SMYD3: variants seen among roughly 807,000 people sequenced by gnomAD.
SMYD3 encodes histone-lysine N-methyltransferase SMYD3.
SMYD3 carries 36 observed loss-of-function variants against 57.7 expected under a neutral mutation model. The observed-to-expected ratio is 0.62, with a 90% CI of 0.48 to 0.82. The LOEUF (loss-of-function observed/expected upper bound fraction) is 0.82. SMYD3 is among the 40% of genes least tolerant of loss of function. SMYD3 has a pLI of 0.00. For synonymous variants in SMYD3, 211 were observed against 195.0 expected (o/e 1.08, Z -0.68); for missense variants, 515 against 538.8 (o/e 0.96, Z 0.44).
chr1:246,412,687 T>C (rs941154236), intron 1 of SMYD3, among the ~76,000 whole-genome samples: 4 of 152,102 alleles, frequency 2.6e-5, no homozygotes, highest in East Asian at 1.9e-4. Flanking sequence ...TGAAACTCCA[T>C]CTCTACTAAA....
chr1:246,490,586 C>T (rs1476430561), intron 1 of SMYD3, among the ~76,000 whole-genome samples: 1 of 152,196 alleles, frequency 6.6e-6, no homozygotes, highest in Non-Finnish European at 1.5e-5. Flanking sequence ...CGACCAATCG[C>T]TGAGGGCTGG....
chr1:245,981,929 C>T (rs1399469824), intron 5 of SMYD3, among the ~76,000 whole-genome samples: 1 of 152,214 alleles, frequency 6.6e-6, no homozygotes, highest in African/African-American at 2.4e-5. Context: ...CTTGGGCAGG[C>T]GAGTCTCCCA....
chr1:246,027,077 T>C (rs12079071), intron 5 of SMYD3, among the ~76,000 whole-genome samples: 13,432 of 152,218 alleles, frequency 0.088, 1,756 homozygotes, highest in African/African-American at 0.28. Flanking sequence ...TAAGCCACAA[T>C]ATTCCCTTAA....
chr1:245,855,567 C>G (rs4654140), intron 10 of SMYD3, among the ~76,000 whole-genome samples: 141,372 of 152,300 alleles, frequency 0.93, 66,534 homozygotes, highest in East Asian at 1. Flanking sequence ...AGATGAGTTT[C>G]CATATTAGTC....
At chr1:246,456,334 T>C (rs1210899024) in intron 1 of SMYD3, among the ~76,000 whole-genome samples, 1 of 152,206 alleles carries the variant, frequency 6.6e-6, no homozygotes, top group Non-Finnish European at 1.5e-5. Context: ...ATTAAATCAG[T>C]ATCTCTACGA....
intron 5 of SMYD3, among the ~76,000 whole-genome samples, chr1:246,269,556 G>GTTTTTTTTTTT (rs2064179641): frequency 9.3e-6 from 1 of 107,472 alleles, no homozygotes. Flanking sequence ...TTTTTTTTTT[G>GTTTTTTTTTTT]TTTTTGTTGT....
At chr1:246,041,216 T>C (rs1470900410) in intron 5 of SMYD3, among the ~76,000 whole-genome samples, 2 of 152,138 alleles carry the variant, frequency 1.3e-5, no homozygotes, top group Admixed American at 1.3e-4. Flanking sequence ...ACCTCTATGA[T>C]GTTTGCTCAG....
intron 2 of SMYD3, among the ~76,000 whole-genome samples, chr1:246,354,346 T>C (rs889915569): frequency 3.3e-5 from 5 of 152,210 alleles, no homozygotes; most frequent in African/African-American, 7.2e-5. Flanking sequence ...TAACTCAAAC[T>C]CTTGGCAGGA....
At chr1:246,457,565 AAAAG>A (rs2067722412) in intron 1 of SMYD3, among the ~76,000 whole-genome samples, 1 of 147,206 alleles carries the variant, frequency 6.8e-6, no homozygotes. Context: ...AAAAGAAAAG[AAAAG>A]AAAAGAAAAA....
intron 10 of SMYD3, among the ~76,000 whole-genome samples, chr1:245,819,824 A>T: frequency 3.4e-5 from 1 of 29,700 alleles, no homozygotes. Flanking sequence ...CGACACATAC[A>T]CTCTCCCAAG....
Position 245,788,594 on chromosome 1 carries a change from G to A in SMYD3, c.1077-24445C>T, listed in dbSNP as rs149088445. 2.1e-3 allele frequency among the ~76,000 whole-genome samples: 320 copies of A among 152,312 alleles called. 1 individual carries two copies. Among genetic ancestry groups the A allele is most frequent in the African/African-American group, 7.3e-3 (302 of 41,558 alleles). ...GAAATAGCCTAGAAAAGTTGCCCTA[G>A]GCCCACTCAGGCCATGCAGCAAGCT... On this transcript the variant is annotated intron_variant, in intron 10 of 11. Transcript: ENST00000490107.
intron 10 of SMYD3, among the ~76,000 whole-genome samples, chr1:245,836,594 C>T (rs1386432154): frequency 6.6e-6 from 1 of 152,146 alleles, no homozygotes; most frequent in Non-Finnish European, 1.5e-5. Context: ...GTCAGTGGAC[C>T]GTCCTAAACA....
chr1:246,396,666 G>C (rs926614049), intron 1 of SMYD3, among the ~76,000 whole-genome samples: 1 of 152,168 alleles, frequency 6.6e-6, no homozygotes. Flanking sequence ...GCCTGGTGGG[G>C]CACGACTGAA....
intron 8 of SMYD3, among the ~76,000 whole-genome samples, chr1:245,909,800 G>A (rs2054837076): frequency 6.6e-6 from 1 of 151,954 alleles, no homozygotes; most frequent in South Asian, 2.1e-4. Context: ...AACTGGGTAT[G>A]AGGGAAACAT....
At position 245,821,084 on chromosome 1, in the gene SMYD3, T is replaced by A. The variant is rs12078986; in HGVS notation, c.1076+37412A>T. ...ATGGAACCAAAAAAGAGCCTGCATC[T>A]CCAAGTCAATCCTAAGCCAAAAGAA... On this transcript the variant is annotated intron_variant, in intron 10 of 11. Coordinates refer to ENST00000490107, the MANE Select transcript of SMYD3 (RefSeq NM_001167740.2). Among the ~76,000 whole-genome samples the A allele has an allele frequency of 2.1e-4, 32 of 149,352 alleles. 1 individual carries two copies. The highest frequency in any genetic ancestry group is 2.1e-4 in the East Asian group (1 of 4,824).
chr1:246,411,402 T>C (rs1190228823), intron 1 of SMYD3, among the ~76,000 whole-genome samples: 1 of 152,180 alleles, frequency 6.6e-6, no homozygotes, highest in Admixed American at 6.5e-5. Flanking sequence ...TCAACCATTG[T>C]GGAAGTCAGT....
chr1:246,315,615 G>A (rs576909578), intron 5 of SMYD3, among the ~76,000 whole-genome samples: 2 of 152,188 alleles, frequency 1.3e-5, no homozygotes, highest in Non-Finnish European at 2.9e-5. Context: ...ACCAGGACAC[G>A]CTGATACGTT....
At chr1:245,804,327 C>T (rs1056958062) in intron 10 of SMYD3, among the ~76,000 whole-genome samples, 8 of 152,114 alleles carry the variant, frequency 5.3e-5, no homozygotes, top group East Asian at 1.9e-4. Flanking sequence ...CCCGGCCGGG[C>T]GCAGTGGCAC....
intron 9 of SMYD3, 95 bp from the exon 10 acceptor site, chr1:245,858,765 G>A: frequency 7.6e-7 from 1 of 1,307,932 alleles, no homozygotes; most frequent in Non-Finnish European, 1.1e-6. Context: ...CCCAAGCACA[G>A]GAGCGAGGGA....
Sources: gnomAD v4.1 joint callset for allele counts (sites outside exome capture counted in the v4.1 genomes callset) on GRCh38, gnomAD v4.1.1 for gene constraint, MANE v1.5 for transcripts, NCBI Gene and HGNC (gene_info 2026-07-23, HGNC 2026-07-21) for gene names.